ERMN: variants seen among roughly 807,000 people sequenced by gnomAD.
ERMN encodes ermin, also known as ermin, ERM-like protein.
A neutral mutation model predicts 21.4 loss-of-function variants in ERMN; 17 were observed. The observed-to-expected ratio is 0.80, with a 90% CI of 0.54 to 1.19. The LOEUF is 1.19. Among genes scored for constraint, ERMN ranks in the 50% most tolerant of loss-of-function variants. The probability of loss-of-function intolerance (pLI) is 0.00; values close to 1 mark genes in which losing one functional copy is unlikely to be tolerated. For synonymous variants in ERMN, 115 were observed against 111.9 expected (o/e 1.03, Z -0.17); for missense variants, 348 against 331.6 (o/e 1.05, Z -0.38).
In ERMN at chr2:157,321,041, G is replaced by C. The variant is rs1373400998; in HGVS notation, c.*230C>G. The C allele has an allele frequency of 1.7e-6, 1 of 572,232 alleles. No homozygotes were observed. The highest frequency in any genetic ancestry group is 2.9e-6 in the Non-Finnish European group (1 of 340,440). The allele number at this position is 572,232 out of a possible 1,614,324, so 35.4% of individuals were successfully genotyped here. A position where few individuals can be genotyped will look rare whatever the true frequency, so the allele number is the denominator to read the frequency against. On this transcript the variant is annotated 3_prime_UTR_variant, in exon 3 of 3. Coordinates refer to ENST00000410096, the MANE Select transcript of ERMN (RefSeq NM_020711.3). ...GCTTATCACACAATGCTATATTAGT[G>C]AAGTTTTAAAAGATAAATGCCCAAG...
chr2:157,323,042 T>C (rs1683954060), intron 2 of ERMN, among the ~76,000 whole-genome samples: 1 of 152,210 alleles, frequency 6.6e-6, no homozygotes, highest in Non-Finnish European at 1.5e-5. Flanking sequence ...GAAGATTTTA[T>C]AGCTGTTTGC....
intron 2 of ERMN, among the ~76,000 whole-genome samples, chr2:157,322,819 C>T (rs1366829367): frequency 6.6e-6 from 1 of 152,176 alleles, no homozygotes; most frequent in Non-Finnish European, 1.5e-5. Flanking sequence ...ATGTTCCTAA[C>T]ATTATCCATA....
At chr2:157,324,795 A>T (rs149075048) in intron 1 of ERMN, 33 bp from the exon 2 acceptor site, 2 of 1,409,188 alleles carry the variant, frequency 1.4e-6, no homozygotes, top group African/African-American at 2.9e-5. Flanking sequence ...GTATTTTAAC[A>T]TTTAAAATAT....
Position 157,320,114 on chromosome 2 carries a change from A to G in ERMN, c.*1157T>C, listed in dbSNP as rs923577769. ...AAAATTGTGGAACAAACTATCTAAG[A>G]ATATAAATATAGTCTCTCTTTTCAT... On this transcript the variant is annotated 3_prime_UTR_variant, in exon 3 of 3. Coordinates refer to ENST00000410096, the MANE Select transcript of ERMN (RefSeq NM_020711.3). 8.5e-5 allele frequency: 13 copies of G among 152,408 alleles called. No homozygotes were observed. The highest frequency in any genetic ancestry group is 3.1e-4 in the African/African-American group (13 of 41,460). 9.4% of individuals were successfully genotyped at this position (152,408 alleles called of 1,614,324 possible). A position where few individuals can be genotyped will look rare whatever the true frequency, so the allele number is the denominator to read the frequency against.
At position 157,321,079 on chromosome 2, in the gene ERMN, G is replaced by T; in HGVS notation, c.*192C>A. ...ATAAATGCCCAAGAATTTATTTAAAGCTTTTTGATTTGAGGTTATCAGACT... is the reference window on the plus strand; with the variant it reads ...ATAAATGCCCAAGAATTTATTTAAATCTTTTTGATTTGAGGTTATCAGACT... On this transcript the variant is annotated 3_prime_UTR_variant, in exon 3 of 3. Transcript: ENST00000410096. 2.5e-6 allele frequency: 2 copies of T among 788,310 alleles called. No homozygotes were observed. The highest frequency in any genetic ancestry group is 3.8e-6 in the Non-Finnish European group (2 of 524,236). 48.8% of individuals were successfully genotyped at this position (788,310 alleles called of 1,614,324 possible). A position where few individuals can be genotyped will look rare whatever the true frequency, so the allele number is the denominator to read the frequency against.
At chr2:157,324,995 T>C (rs902957560) in intron 1 of ERMN, 3 of 350,422 alleles carry the variant, frequency 8.6e-6, no homozygotes, top group African/African-American at 6.3e-5. Context: ...ATATATAAGA[T>C]ATAGAACCAT....
At position 157,321,370 on chromosome 2, in the gene ERMN, T is replaced by A. The variant is rs768852898; in HGVS notation, c.756A>T (p.Arg252Ser). Residue 252 changes from arginine to serine, a missense_variant, in exon 3 of 3, where the codon AGA becomes AGT. Coordinates refer to ENST00000410096, the MANE Select transcript of ERMN (RefSeq NM_020711.3). The stretch of plus-strand genomic sequence containing the variant: ...TTGTATTGTATCTGGAATAAGCATT[T>A]CTGGAGATATCACTCTTCTTCCCTA... ...PTLGKKSDIS[R>S]NAYSRYNTIS... is the part of the protein sequence containing the mutation. 6.2e-7 allele frequency: 1 copy of A among 1,614,144 alleles called. No homozygotes were observed.
rs993742820 is a variant in ERMN at position 157,318,712 on chromosome 2, A to G, written c.*2559T>C. 1.2e-4 allele frequency: 18 copies of G among 152,166 alleles called. No homozygotes were observed. The highest frequency in any genetic ancestry group is 4.1e-4 in the African/African-American group (17 of 41,440). The allele number at this position is 152,166 out of a possible 1,614,324, so 9.4% of individuals were successfully genotyped here. On this transcript the variant is annotated 3_prime_UTR_variant, in exon 3 of 3. Coordinates refer to ENST00000410096, the MANE Select transcript of ERMN (RefSeq NM_020711.3). ...TAGGGGGAGAGAGAGATGGTAGCAA[A>G]TTCTGTGCCTTCAATGTAGCATTAT...
chr2:157,325,708 A>C lies in ERMN; in HGVS notation c.-66T>G. 1.2e-6 allele frequency: 2 copies of C among 1,607,760 alleles called. No individual in the cohort carries two copies. Among genetic ancestry groups the C allele is most frequent in the Non-Finnish European group, 1.7e-6 (2 of 1,175,386 alleles). On this transcript the variant is annotated 5_prime_UTR_variant, in exon 1 of 3. Transcript: ENST00000410096. The stretch of plus-strand genomic sequence containing the variant: ...AAACTGAGTGAGTAGATCCTTGATA[A>C]GATACCTGCTCTTGCCTTCAAGTCC...
Position 157,321,695 on chromosome 2 carries a change from T to A in ERMN, c.431A>T (p.Asp144Val). 6.2e-6 allele frequency: 10 copies of A among 1,614,068 alleles called. No individual in the cohort carries two copies. The highest frequency in any genetic ancestry group is 8.5e-6 in the Non-Finnish European group (10 of 1,179,964). The change falls in exon 3 of 3, where the codon GAT (aspartate) becomes GTT (valine). Residue 144 changes from aspartate to valine, a missense_variant. Transcript: ENST00000410096. ...ITEQPLKEEE[D>V]EDRKNKGHQA... is the part of the protein sequence containing the mutation. ...GTGACCTTTGTTCTTCCTGTCCTCA[T>A]CTTCTTCCTCTTTGAGAGGCTGCTC... is the stretch of plus-strand genomic sequence containing the variant.
In ERMN at chr2:157,318,933, G is replaced by A. The variant is rs1558910913; in HGVS notation, c.*2338C>T. 6.6e-6 allele frequency: 1 copy of A among 152,116 alleles called. No homozygotes were observed. Among genetic ancestry groups the A allele is most frequent in the Admixed American group, 6.6e-5 (1 of 15,252 alleles). The allele number at this position is 152,116 out of a possible 1,614,324, so 9.4% of individuals were successfully genotyped here. A position where few individuals can be genotyped will look rare whatever the true frequency, so the allele number is the denominator to read the frequency against. On this transcript the variant is annotated 3_prime_UTR_variant, in exon 3 of 3. Transcript: ENST00000410096. ...CAAAAGCTCAAGTAAACCTTCATGTGTAGCTACCAGTTTGTGTTCTTAATC... is the reference window on the plus strand; with the variant it reads ...CAAAAGCTCAAGTAAACCTTCATGTATAGCTACCAGTTTGTGTTCTTAATC...
chr2:157,324,584 C>G, intron 2 of ERMN, 86 bp downstream of exon 2: 1 of 1,074,366 alleles, frequency 9.3e-7, no homozygotes, highest in South Asian at 1.3e-5. Flanking sequence ...CTTTGTCAAC[C>G]CCACGCTCAT....
chr2:157,323,254 T>C (rs910868486), intron 2 of ERMN, among the ~76,000 whole-genome samples: 5 of 152,128 alleles, frequency 3.3e-5, no homozygotes, highest in African/African-American at 1.2e-4. Flanking sequence ...TGATCAAACA[T>C]TTGAAAGGGG....
At chr2:157,322,361 T>C (rs1038536549) in intron 2 of ERMN, among the ~76,000 whole-genome samples, 2 of 152,156 alleles carry the variant, frequency 1.3e-5, no homozygotes, top group Non-Finnish European at 2.9e-5. Context: ...CTGGTCACTT[T>C]TCAAACAGCT....
In ERMN at chr2:157,321,043, A is replaced by C. The variant is rs1025077186; in HGVS notation, c.*228T>G. The stretch of plus-strand genomic sequence containing the variant: ...TTATCACACAATGCTATATTAGTGA[A>C]GTTTTAAAAGATAAATGCCCAAGAA... On this transcript the variant is annotated 3_prime_UTR_variant, in exon 3 of 3. Coordinates refer to ENST00000410096, the MANE Select transcript of ERMN (RefSeq NM_020711.3). The C allele has an allele frequency of 3.5e-6, 2 of 577,780 alleles. No homozygotes were observed. The highest frequency in any genetic ancestry group is 5.8e-6 in the Non-Finnish European group (2 of 344,862). The allele number at this position is 577,780 out of a possible 1,614,324, so 35.8% of individuals were successfully genotyped here.
rs1030794075 is a variant in ERMN at position 157,320,758 on chromosome 2, T to C, written c.*513A>G. On this transcript the variant is annotated 3_prime_UTR_variant, in exon 3 of 3. Coordinates refer to ENST00000410096, the MANE Select transcript of ERMN (RefSeq NM_020711.3). ...TGCCAAGGAAAGCCACTTAACATAT[T>C]GTTTGGTGATAATAGAAAAGGCACA... The C allele has an allele frequency of 6.5e-6, 1 of 153,528 alleles. No homozygotes were observed. Among genetic ancestry groups the C allele is most frequent in the Non-Finnish European group, 1.4e-5 (1 of 68,968 alleles). The allele number at this position is 153,528 out of a possible 1,614,324, so 9.5% of individuals were successfully genotyped here.
At chr2:157,325,101 T>C (rs182252389) in intron 1 of ERMN, 315 of 530,470 alleles carry the variant, frequency 5.9e-4, no homozygotes, top group African/African-American at 5.5e-3. Flanking sequence ...TCATAATAAA[T>C]ACAGTAGTTA....
At chr2:157,327,585 A>C, upstream of ERMN, 1 of 709,330 alleles carries the variant, frequency 1.4e-6, no homozygotes, top group South Asian at 1.5e-5. Flanking sequence ...AGAGCCAGCA[A>C]GCCTACTGAT....
Position 157,319,475 on chromosome 2 carries a change from G to C in ERMN, c.*1796C>G, listed in dbSNP as rs1315072194. On this transcript the variant is annotated 3_prime_UTR_variant, in exon 3 of 3. Coordinates refer to ENST00000410096, the MANE Select transcript of ERMN (RefSeq NM_020711.3). ...TAGGTTAAAAACATGGTCCTGTTAT[G>C]TGATAGATAACACAATACTGTGTTT... The C allele has an allele frequency of 6.6e-6, 1 of 152,132 alleles. No individual in the cohort carries two copies. The highest frequency in any genetic ancestry group is 1.5e-5 in the Non-Finnish European group (1 of 68,014). The allele number at this position is 152,132 out of a possible 1,614,324, so 9.4% of individuals were successfully genotyped here. A position where few individuals can be genotyped will look rare whatever the true frequency, so the allele number is the denominator to read the frequency against.
Sources: gnomAD v4.1 joint callset for allele counts (sites outside exome capture counted in the v4.1 genomes callset) on GRCh38, gnomAD v4.1.1 for gene constraint, MANE v1.5 for transcripts, NCBI Gene and HGNC (gene_info 2026-07-23, HGNC 2026-07-21) for gene names.